NUB1: variants seen among roughly 807,000 people sequenced by gnomAD.
NUB1 encodes negative regulator of ubiquitin like proteins 1.
NUB1 carries 41 observed loss-of-function variants against 77.1 expected under a neutral mutation model. That is an observed-to-expected ratio of 0.53 (90% CI 0.41 to 0.69). The LOEUF (loss-of-function observed/expected upper bound fraction) is 0.69. NUB1 is among the 30% of genes least tolerant of loss of function. NUB1 has a pLI of 0.00. For synonymous variants in NUB1, 257 were observed against 281.0 expected (o/e 0.91, Z 0.85); for missense variants, 643 against 743.8 (o/e 0.86, Z 1.58).
chr7:151,351,916 A>AACACACACACACACACACAC (rs1204427761), intron 4 of NUB1, among the ~76,000 whole-genome samples: 4 of 151,014 alleles, frequency 2.6e-5, no homozygotes, highest in African/African-American at 9.8e-5. Flanking sequence ...CCATCTGTAA[A>AACACACACACACACACACAC]ACACACACAC....
rs116976414 is a variant in NUB1 at position 151,347,807 on chromosome 7, C to G, written c.118-1266C>G. On this transcript the variant is annotated intron_variant, in intron 2 of 14. Transcript: ENST00000568733. ...CCAACTTCACTTTTATCATGAACAT[C>G]TCTTCTGTCATAAATTTATGCTTAC... is the stretch of plus-strand genomic sequence containing the variant. 8.1e-4 allele frequency among the ~76,000 whole-genome samples: 124 copies of G among 152,318 alleles called. 2 individuals carry two copies. In the East Asian group the frequency reaches 0.023, roughly 28 times the overall value.
In NUB1 at chr7:151,376,809, C is replaced by T. The variant is rs1423919871; in HGVS notation, c.1667C>T (p.Ala556Val). The change falls in exon 14 of 15, where the codon GCA (alanine) becomes GTA (valine). Residue 556 changes from alanine (A) to valine (V), a missense_variant and splice_region_variant. By Grantham distance (64) the Ala-to-Val change is moderately conservative (BLOSUM62 0). Coordinates refer to ENST00000568733, the MANE Select transcript of NUB1 (RefSeq NM_001243351.2). ...CCAGCCACGTCCCCTTCTGACTCCG[C>T]AGGTAGGTCTGAGGTCTTTGAGGGC... ...SPPATSPSDSAGTSSASTDED... is the reference protein window; with the variant it reads ...SPPATSPSDSVGTSSASTDED... The T allele has an allele frequency of 6.3e-7, 1 of 1,580,452 alleles. No individual in the cohort carries two copies. Among genetic ancestry groups the T allele is most frequent in the East Asian group, 2.3e-5 (1 of 43,292 alleles).
chr7:151,373,864 A>G (rs1290154014), intron 11 of NUB1, among the ~76,000 whole-genome samples: 2 of 151,980 alleles, frequency 1.3e-5, no homozygotes, highest in Non-Finnish European at 2.9e-5. Flanking sequence ...TTCCTGCCCC[A>G]CGGGCATCTC....
Position 151,377,301 on chromosome 7 carries a change from T to G in NUB1, c.*76T>G. 6 of 1,056,376 alleles carry G rather than the reference T, an allele frequency of 5.7e-6. No individual in the cohort carries two copies. Among genetic ancestry groups the G allele is most frequent in the East Asian group, 2.8e-5 (1 of 36,018 alleles). The allele number at this position is 1,056,376 out of a possible 1,614,324, so 65.4% of individuals were successfully genotyped here. On this transcript the variant is annotated 3_prime_UTR_variant, in exon 15 of 15. Transcript: ENST00000568733. Reference sequence around the variant, plus strand: ...GAAAAGGCTAATGCAGCTCTTTCTGTTCTTACTTTTTATCTGAATTACAAG... The same window carrying G: ...GAAAAGGCTAATGCAGCTCTTTCTGGTCTTACTTTTTATCTGAATTACAAG...
intron 1 of NUB1, among the ~76,000 whole-genome samples, chr7:151,344,972 C>T (rs1796430297): frequency 6.6e-6 from 1 of 152,152 alleles, no homozygotes; most frequent in Non-Finnish European, 1.5e-5. Flanking sequence ...TGCACTCCAG[C>T]CTGGGCGACA....
chr7:151,352,106 G>A (rs757870487), intron 4 of NUB1: 38 of 456,536 alleles, frequency 8.3e-5, no homozygotes, highest in Non-Finnish European at 1.5e-4. Context: ...TGTCAGGGGT[G>A]GATTCAGGAA....
At chr7:151,351,403 A>G in intron 3 of NUB1, 21 bp from the exon 4 acceptor site, 1 of 1,581,104 alleles carries the variant, frequency 6.3e-7, no homozygotes. Flanking sequence ...AGTACGTTTT[A>G]CTTTGTCTTA....
At chr7:151,357,289 A>G (rs1191266023) in intron 7 of NUB1, among the ~76,000 whole-genome samples, 1 of 149,652 alleles carries the variant, frequency 6.7e-6, no homozygotes. Context: ...ATGCCTGGCT[A>G]ACTTTTGTAT....
At chr7:151,360,718 A>C (rs1285049037) in intron 8 of NUB1, 1 of 153,284 alleles carries the variant, frequency 6.5e-6, no homozygotes, top group Non-Finnish European at 1.5e-5. Flanking sequence ...TCCTGGGCTC[A>C]AGTGATCCTC....
At chr7:151,375,093 C>T (rs377539725) in intron 12 of NUB1, among the ~76,000 whole-genome samples, 3 of 151,680 alleles carry the variant, frequency 2.0e-5, no homozygotes, top group Non-Finnish European at 4.4e-5. Context: ...CCTGCTGAGG[C>T]GGGTGTGGGT....
chr7:151,376,026 G>T, intron 13 of NUB1, 83 bp downstream of exon 13: 1 of 857,840 alleles, frequency 1.2e-6, no homozygotes, highest in Non-Finnish European at 2.0e-6. Flanking sequence ...CAGGCAGCAG[G>T]ACTGGGGGAG....
intron 13 of NUB1, 80 bp downstream of exon 13, chr7:151,376,023 C>G: frequency 1.1e-6 from 1 of 892,090 alleles, no homozygotes; most frequent in Non-Finnish European, 1.9e-6. Flanking sequence ...AATCAGGCAG[C>G]AGGACTGGGG....
At chr7:151,364,339 G>T (rs1355514822) in intron 8 of NUB1, among the ~76,000 whole-genome samples, 43 of 148,566 alleles carry the variant, frequency 2.9e-4, no homozygotes, top group Non-Finnish European at 4.8e-4. Flanking sequence ...GAGAATGGCA[G>T]GAACCCGGGA....
intron 7 of NUB1, among the ~76,000 whole-genome samples, chr7:151,359,458 A>G (rs1173224492): frequency 2.1e-5 from 3 of 144,804 alleles, no homozygotes; most frequent in Admixed American, 6.7e-5. Flanking sequence ...AAAAAAAAGA[A>G]TAGAAAGTGA....
chr7:151,377,209 C>CGACA lies in NUB1; in HGVS notation c.1832_1833insGACA (p.Lys613AsnfsTer11), dbSNP rs1563034735. 2 of 1,546,298 alleles carry CGACA rather than the reference C, an allele frequency of 1.3e-6. No individual in the cohort carries two copies. Among genetic ancestry groups the CGACA allele is most frequent in the Non-Finnish European group, 1.7e-6 (2 of 1,147,062 alleles). On this transcript the variant is annotated frameshift_variant, in exon 15 of 15. Transcript: ENST00000568733. LOFTEE classifies it high-confidence loss of function. ...TCCTATGTAGAAAATAGGAAGTCAGCAACAAAGAAAAACTAAATAATGAAC... is the reference window on the plus strand; with the variant it reads ...TCCTATGTAGAAAATAGGAAGTCAGCGACAAACAAAGAAAAACTAAATAATGAAC...
chr7:151,344,637 G>GCC (rs1796393876), intron 1 of NUB1, among the ~76,000 whole-genome samples: 1 of 151,862 alleles, frequency 6.6e-6, no homozygotes, highest in Non-Finnish European at 1.5e-5. Context: ...ATTATCGATA[G>GCC]TTTACAGTTC....
At chr7:151,366,857 C>T (rs1797712719) in intron 8 of NUB1, 82 bp from the exon 9 acceptor site, 1 of 1,081,334 alleles carries the variant, frequency 9.2e-7, no homozygotes, top group Non-Finnish European at 1.3e-6. Flanking sequence ...GAAAGAATTC[C>T]AGTCATTCAC....
At chr7:151,344,213 A>T (rs202108670) in intron 1 of NUB1, among the ~76,000 whole-genome samples, 16 of 135,860 alleles carry the variant, frequency 1.2e-4, no homozygotes, top group East Asian at 6.1e-4. Flanking sequence ...AAAAAAAAAA[A>T]GTAGATGTGC....
At chr7:151,365,530 C>T (rs941311001) in intron 8 of NUB1, among the ~76,000 whole-genome samples, 1 of 152,170 alleles carries the variant, frequency 6.6e-6, no homozygotes, top group African/African-American at 2.4e-5. Flanking sequence ...GCAGGAGAGT[C>T]TTCTGTCACT....
Sources: allele counts gnomAD v4.1 joint callset (sites outside exome capture counted in the v4.1 genomes callset), GRCh38; gene constraint gnomAD v4.1.1; transcripts MANE v1.5; gene names NCBI Gene and HGNC (gene_info 2026-07-23, HGNC 2026-07-21).